The following GYPC variants were observed in gnomAD, a reference collection of about 807,000 sequenced individuals.
GYPC encodes the protein glycophorin-C.
In GYPC, 14 loss-of-function variants were observed where a neutral mutation model predicts 12.6. The ratio of observed to expected loss-of-function variants is 1.11; its 90% CI spans 0.74 to 1.74. The LOEUF (loss-of-function observed/expected upper bound fraction) is 1.74. GYPC is among the 40% of genes most tolerant of loss of function. GYPC has a pLI of 0.00. For synonymous variants in GYPC, 78 were observed against 62.1 expected (o/e 1.26, Z -1.20); for missense variants, 225 against 172.1 (o/e 1.31, Z -1.72).
chr2:126,686,747 T>A (rs1683302699), intron 1 of GYPC: 2 of 952,236 alleles, frequency 2.1e-6, no homozygotes, highest in African/African-American at 1.8e-5. Context: ...GGTCCTCTCA[T>A]GTCTGTCCAA....
At chr2:126,668,869 C>G (rs1222522899) in intron 1 of GYPC, among the ~76,000 whole-genome samples, 1 of 152,208 alleles carries the variant, frequency 6.6e-6, no homozygotes, top group African/African-American at 2.4e-5. Context: ...AGGTTCACAT[C>G]ATGACAGGAA....
chr2:126,691,115 G>A (rs938501319), intron 2 of GYPC, among the ~76,000 whole-genome samples: 2 of 152,082 alleles, frequency 1.3e-5, no homozygotes, highest in African/African-American at 2.4e-5. Flanking sequence ...GGAAGTTTAG[G>A]AAATTGTTCT....
intron 1 of GYPC, among the ~76,000 whole-genome samples, chr2:126,666,683 C>G (rs1212603838): frequency 6.6e-6 from 1 of 150,738 alleles, no homozygotes; most frequent in African/African-American, 2.4e-5. Context: ...GCCTTCCATT[C>G]TCCTGCCCCC....
At chr2:126,678,757 G>C (rs550070588) in intron 1 of GYPC, 1 of 152,282 alleles carries the variant, frequency 6.6e-6, no homozygotes, top group Non-Finnish European at 1.5e-5. Context: ...GGGGAAGCAC[G>C]GCTATCTGCC....
chr2:126,665,684 A>G (rs1485212149), intron 1 of GYPC, among the ~76,000 whole-genome samples: 20 of 152,258 alleles, frequency 1.3e-4, no homozygotes, highest in Admixed American at 2.0e-4. Flanking sequence ...GCACTACAGC[A>G]GACTCGGCAC....
chr2:126,663,423 G>C (rs904287752), intron 1 of GYPC, among the ~76,000 whole-genome samples: 1 of 152,202 alleles, frequency 6.6e-6, no homozygotes, highest in African/African-American at 2.4e-5. Context: ...ACGCACGCCA[G>C]CTGTGTGATG....
intron 1 of GYPC, chr2:126,678,782 C>T (rs572453759): frequency 6.6e-6 from 1 of 152,274 alleles, no homozygotes; most frequent in Non-Finnish European, 1.5e-5. Flanking sequence ...GATGTAGCCA[C>T]GAACCTCCTC....
At chr2:126,675,196 T>C (rs370645252) in intron 1 of GYPC, among the ~76,000 whole-genome samples, 1 of 152,184 alleles carries the variant, frequency 6.6e-6, no homozygotes, top group East Asian at 1.9e-4. Context: ...CCAAGGGGCT[T>C]TCCCAGATTC....
rs1365648165 is a variant in GYPC, at chr2:126,677,557, A to ATGTGAGTGTATGTG, written c.50-12688_50-12675dup. 4.6e-3 allele frequency among the ~76,000 whole-genome samples: 658 copies of ATGTGAGTGTATGTG among 143,384 alleles called. 10 individuals carry two copies. Among genetic ancestry groups the ATGTGAGTGTATGTG allele is most frequent in the African/African-American group, 0.017 (638 of 38,542 alleles). 94.1% of individuals were successfully genotyped at this position (143,384 alleles called of 152,430 possible). A position where few individuals can be genotyped will look rare whatever the true frequency, so the allele number is the denominator to read the frequency against. On this transcript the variant is annotated intron_variant, in intron 1 of 3. Transcript: ENST00000259254. ...AGTCTGTGTGTATGTGAGTGTGTGT[A>ATGTGAGTGTATGTG]TGTGAGTGTATGTGTGTGAGTGTGT... is the stretch of plus-strand genomic sequence containing the variant.
intron 1 of GYPC, among the ~76,000 whole-genome samples, chr2:126,689,232 A>T (rs1267764856): frequency 2.6e-5 from 4 of 152,080 alleles, no homozygotes; most frequent in Admixed American, 2.6e-4. Flanking sequence ...CAAGAGAGAA[A>T]GTGCACTCCA....
intron 1 of GYPC, among the ~76,000 whole-genome samples, chr2:126,670,972 G>T (rs1307484108): frequency 6.6e-6 from 1 of 152,146 alleles, no homozygotes; most frequent in Admixed American, 6.5e-5. Flanking sequence ...ATAGACTCCT[G>T]ACTTTAACCA....
At chr2:126,695,249 T>A (rs184445273) in intron 3 of GYPC, among the ~76,000 whole-genome samples, 2 of 152,264 alleles carry the variant, frequency 1.3e-5, no homozygotes, top group Non-Finnish European at 2.9e-5. Context: ...ACTTTCCTGG[T>A]TTTAGAACGG....
chr2:126,688,378 T>A (rs1223109036), intron 1 of GYPC, among the ~76,000 whole-genome samples: 1 of 152,246 alleles, frequency 6.6e-6, no homozygotes, highest in African/African-American at 2.4e-5. Context: ...ACTCCACCAC[T>A]AAATCCATTC....
Position 126,656,209 on chromosome 2 carries a change from G to C in GYPC, c.-55G>C. Reference sequence around the variant, plus strand: ...CGGGAGCGCGACCCTCCCCCGGCCCGGCCTGGCCCGGCCTGGCCAGTCCCC... The same window carrying C: ...CGGGAGCGCGACCCTCCCCCGGCCCCGCCTGGCCCGGCCTGGCCAGTCCCC... On this transcript the variant is annotated 5_prime_UTR_variant, in exon 1 of 4. Coordinates refer to ENST00000259254, the MANE Select transcript of GYPC (RefSeq NM_002101.5). 1 of 1,557,380 alleles carries C rather than the reference G, an allele frequency of 6.4e-7. No individual in the cohort carries two copies. The highest frequency in any genetic ancestry group is 1.2e-5 in the South Asian group (1 of 84,780).
intron 1 of GYPC, among the ~76,000 whole-genome samples, chr2:126,662,290 T>A (rs1396973292): frequency 6.6e-6 from 1 of 152,212 alleles, no homozygotes; most frequent in Non-Finnish European, 1.5e-5. Flanking sequence ...CAGGGGCCCA[T>A]TGGATATGAA....
Position 126,696,344 on chromosome 2 carries a change from ACC to A in GYPC, c.*204_*205del. On this transcript the variant is annotated 3_prime_UTR_variant, in exon 4 of 4. Transcript: ENST00000259254. ...GCGCTACAAGAGGCCACTCCCAGGG[ACC>A]CAGGGAGGCGATGGCCACCCCAGAG... is the stretch of plus-strand genomic sequence containing the variant. The A allele has an allele frequency of 6.8e-6, 4 of 588,380 alleles. No homozygotes were observed. In the South Asian group the frequency reaches 7.5e-5, roughly 11 times the overall value. 36.4% of individuals were successfully genotyped at this position (588,380 alleles called of 1,614,324 possible).
rs1262776194 is a variant in GYPC at position 126,685,595 on chromosome 2, G to A, written c.50-4660G>A. ...AGATGGAATTTCACCATGTTGGTCA[G>A]GCTGGTCTTGAACTCCTGACCTCAG... On this transcript the variant is annotated intron_variant, in intron 1 of 3. Coordinates refer to ENST00000259254, the MANE Select transcript of GYPC (RefSeq NM_002101.5). Among the ~76,000 whole-genome samples the A allele has an allele frequency of 2.0e-5, 3 of 152,094 alleles. No individual in the cohort carries two copies. In the East Asian group the frequency reaches 5.8e-4, roughly 29 times the overall value.
chr2:126,657,932 A>G (rs546011496), intron 1 of GYPC: 1 of 153,002 alleles, frequency 6.5e-6, no homozygotes, highest in Non-Finnish European at 1.5e-5. Context: ...CTCAGGCAGG[A>G]TGTGTCTATA....
chr2:126,656,478 T>C (rs928013003), intron 1 of GYPC, among the ~76,000 whole-genome samples, 166 bp downstream of exon 1: 1 of 151,844 alleles, frequency 6.6e-6, no homozygotes, highest in African/African-American at 2.4e-5. Flanking sequence ...CCAGCCCCGG[T>C]TCCCCGGCGC....
Sources: gnomAD v4.1 joint callset for allele counts (sites outside exome capture counted in the v4.1 genomes callset) on GRCh38, gnomAD v4.1.1 for gene constraint, MANE v1.5 for transcripts, NCBI Gene and HGNC (gene_info 2026-07-23, HGNC 2026-07-21) for gene names.